CNTLN: variants seen among roughly 807,000 people sequenced by gnomAD.
CNTLN encodes centlein, centrosomal protein.
A neutral mutation model predicts 180.0 loss-of-function variants in CNTLN; 212 were observed. The observed-to-expected ratio is 1.18, with a 90% CI of 1.05 to 1.32. The LOEUF is 1.32. CNTLN is among the 40% of genes most tolerant of loss of function. The pLI is 0.00. For missense variants in CNTLN, 2,095 were observed against 1,610.9 expected (o/e 1.30, Z -5.14); for synonymous variants, 722 against 563.1 (o/e 1.28, Z -3.99).
chr9:17,200,464 A>G (rs1341936542), intron 2 of CNTLN, among the ~76,000 whole-genome samples: 2 of 152,198 alleles, frequency 1.3e-5, no homozygotes, highest in East Asian at 1.9e-4. Flanking sequence ...CTTCCTATCC[A>G]TGAGCATGGA....
At chr9:17,289,124 C>T (rs1204649299) in intron 6 of CNTLN, among the ~76,000 whole-genome samples, 1 of 120,828 alleles carries the variant, frequency 8.3e-6, no homozygotes, top group African/African-American at 3.8e-5. Flanking sequence ...TACATTTTGG[C>T]ATGATTTTGC....
downstream of CNTLN, among the ~76,000 whole-genome samples, chr9:17,504,442 A>T (rs779457229): frequency 1.2e-4 from 18 of 152,222 alleles, no homozygotes; most frequent in Non-Finnish European, 2.2e-4. Flanking sequence ...AAACAAAGAC[A>T]GTGTACAAAA....
intron 25 of CNTLN, among the ~76,000 whole-genome samples, chr9:17,500,777 T>G (rs1375260667): frequency 3.2e-5 from 2 of 63,420 alleles, no homozygotes; most frequent in Non-Finnish European, 7.7e-5. Flanking sequence ...TAGATAGGAA[T>G]GCGTGTAGTA....
At chr9:17,241,177 A>G (rs1825468320) in intron 5 of CNTLN, among the ~76,000 whole-genome samples, 1 of 152,096 alleles carries the variant, frequency 6.6e-6, no homozygotes. Context: ...TTCTTTTAGT[A>G]GCTTCACAGT....
At chr9:17,345,754 C>A (rs142842911) in intron 12 of CNTLN, among the ~76,000 whole-genome samples, 7 of 152,002 alleles carry the variant, frequency 4.6e-5, no homozygotes, top group African/African-American at 1.7e-4. Flanking sequence ...CTTCAACTGT[C>A]AAACATAATT....
At chr9:17,468,593 A>C (rs1352769287) in intron 23 of CNTLN, among the ~76,000 whole-genome samples, 2 of 151,550 alleles carry the variant, frequency 1.3e-5, no homozygotes, top group African/African-American at 4.8e-5. Flanking sequence ...TCCTTGAAAC[A>C]TTCTTTGAAT....
rs557293370 is a variant in CNTLN at position 17,372,773 on chromosome 9, G to T, written c.1987+6056G>T. Among the ~76,000 whole-genome samples the T allele has an allele frequency of 4.6e-5, 7 of 152,170 alleles. 1 individual carries two copies. The South Asian group carries it at 1.5e-3, about 32-fold the overall frequency. On this transcript the variant is annotated intron_variant, in intron 13 of 25. Transcript: ENST00000380647. ...AATTCAACAACACATTAAAAAATTA[G>T]TCATCATGACCAGGTGGGATTTATC... is the stretch of plus-strand genomic sequence containing the variant.
chr9:17,305,817 A>G (rs1409379379), intron 7 of CNTLN, among the ~76,000 whole-genome samples: 3 of 152,186 alleles, frequency 2.0e-5, no homozygotes, highest in African/African-American at 4.8e-5. Flanking sequence ...TCTCATTACT[A>G]TTAAATACAT....
the CNTLN span, among the ~76,000 whole-genome samples, chr9:17,517,379 G>A: frequency 2.0e-5 from 3 of 147,586 alleles, no homozygotes; most frequent in Admixed American, 6.8e-5. Flanking sequence ...GCAACAGAGC[G>A]AGACTCCATC....
chr9:17,386,169 TAAAA>T (rs904729855), intron 13 of CNTLN, among the ~76,000 whole-genome samples: 3 of 151,052 alleles, frequency 2.0e-5, no homozygotes, highest in African/African-American at 4.9e-5. Flanking sequence ...TTAAATTAAT[TAAAA>T]AAAAGAATCT....
chr9:17,385,835 A>T (rs1350622171), intron 13 of CNTLN, among the ~76,000 whole-genome samples: 1 of 152,224 alleles, frequency 6.6e-6, no homozygotes, highest in Admixed American at 6.5e-5. Context: ...TGCAAATGCT[A>T]CATCAGGGAC....
intron 13 of CNTLN, among the ~76,000 whole-genome samples, chr9:17,383,506 C>A (rs1202970835): frequency 6.7e-6 from 1 of 150,118 alleles, no homozygotes; most frequent in South Asian, 2.1e-4. Flanking sequence ...ACAGCAGGAC[C>A]CTGTCTTAAA....
chr9:17,505,627 A>G (rs970807240), downstream of CNTLN, among the ~76,000 whole-genome samples: 2 of 152,152 alleles, frequency 1.3e-5, no homozygotes, highest in Admixed American at 1.3e-4. Context: ...TAGCGAAAGA[A>G]ATGAAAAAGA....
intron 23 of CNTLN, among the ~76,000 whole-genome samples, chr9:17,477,641 A>G (rs1195816273): frequency 1.3e-5 from 2 of 152,234 alleles, no homozygotes; most frequent in African/African-American, 4.8e-5. Flanking sequence ...GTGAACTAAA[A>G]TTAGAAATGG....
intron 23 of CNTLN, among the ~76,000 whole-genome samples, chr9:17,468,640 A>C (rs1831885434): frequency 6.6e-6 from 1 of 151,680 alleles, no homozygotes; most frequent in African/African-American, 2.4e-5. Context: ...TGAGAATCAG[A>C]AGTTTTCAAA....
chr9:17,223,625 C>A (rs1234144902), intron 2 of CNTLN, among the ~76,000 whole-genome samples: 2 of 152,072 alleles, frequency 1.3e-5, no homozygotes, highest in African/African-American at 4.8e-5. Context: ...ATCTGCCTAT[C>A]ATGTACAATT....
chr9:17,312,366 A>AT (rs1554685995), intron 8 of CNTLN, among the ~76,000 whole-genome samples: 60 of 9,210 alleles, frequency 6.5e-3, no homozygotes, highest in Admixed American at 0.029. Context: ...TATATATATT[A>AT]TATATATATA....
rs139147524 is a variant in CNTLN, at chr9:17,343,522, T to G, written c.1886+1078T>G. 6.4e-4 allele frequency among the ~76,000 whole-genome samples: 98 copies of G among 152,306 alleles called. 1 individual carries two copies. The highest frequency in any genetic ancestry group is 2.3e-3 in the African/African-American group (96 of 41,584). On this transcript the variant is annotated intron_variant, in intron 12 of 25. Transcript: ENST00000380647. Reference sequence around the variant, plus strand: ...ACTAGACCATATGAGATTTAAATGTTGTATGCTCCCATTTACCACTTAAAG... The same window carrying G: ...ACTAGACCATATGAGATTTAAATGTGGTATGCTCCCATTTACCACTTAAAG...
intron 6 of CNTLN, among the ~76,000 whole-genome samples, chr9:17,285,083 C>A (rs1011538410): frequency 2.7e-5 from 4 of 150,536 alleles, no homozygotes; most frequent in Non-Finnish European, 5.9e-5. Flanking sequence ...ATACATGTGC[C>A]ATGCTGGTGC....
Sources: allele counts gnomAD v4.1 joint callset (sites outside exome capture counted in the v4.1 genomes callset), GRCh38; gene constraint gnomAD v4.1.1; transcripts MANE v1.5; gene names NCBI Gene and HGNC (gene_info 2026-07-23, HGNC 2026-07-21).